THADA: variants seen among roughly 807,000 people sequenced by gnomAD.
THADA encodes the protein THADA armadillo repeat containing.
In THADA, 213 loss-of-function variants were observed where a neutral mutation model predicts 219.8. The observed-to-expected ratio is 0.97, with a 90% CI of 0.87 to 1.09. The LOEUF (loss-of-function observed/expected upper bound fraction) is 1.09, where lower values mean the gene tolerates loss of function less well. Among genes scored for constraint, THADA ranks in the 50% least tolerant of loss-of-function variants. The pLI, the probability that THADA is intolerant of heterozygous loss-of-function variation, is 0.00. For missense variants in THADA, 2,956 were observed against 2,311.3 expected, an observed-to-expected ratio of 1.28 and a Z score of -5.72; for synonymous variants, 1,018 against 828.9, an observed-to-expected ratio of 1.23 and a Z score of -3.92.
At chr2:43,258,061 A>G (rs1008481559) in intron 36 of THADA, among the ~76,000 whole-genome samples, 2 of 152,102 alleles carry the variant, frequency 1.3e-5, no homozygotes, top group African/African-American at 2.4e-5. Flanking sequence ...TGATCCTCAC[A>G]CTTTCAGGTG....
At chr2:43,415,405 C>T (rs1048028568) in intron 28 of THADA, among the ~76,000 whole-genome samples, 1 of 152,154 alleles carries the variant, frequency 6.6e-6, no homozygotes, top group African/African-American at 2.4e-5. Context: ...CCAGTGGCAT[C>T]ATTCCTAGGG....
chr2:43,293,154 T>C lies in THADA; in HGVS notation c.4498A>G (p.Ile1500Val), dbSNP rs748633101. 7 of 1,613,840 alleles carry C rather than the reference T, an allele frequency of 4.3e-6. No individual in the cohort carries two copies. The Admixed American group carries it at 6.7e-5, about 15-fold the overall frequency. The change falls in exon 32 of 38, where the codon ATA becomes GTA. Residue 1500 changes from isoleucine (I) to valine (V), a missense_variant. Ile to Val is a conservative substitution (Grantham distance 29). Transcript: ENST00000405975. ...VRGIISGSEL[I>V]TGFPWAFKVP... is the part of the protein sequence containing the mutation. ...TTGAAGGCCCAAGGGAATCCCGTTA[T>C]CAGCTCTGATCCTGAGATAATCCCT...
chr2:43,590,780 A>C, intron 4 of THADA, 44 bp downstream of exon 4: 1 of 1,599,554 alleles, frequency 6.3e-7, no homozygotes, highest in South Asian at 1.1e-5. Context: ...TTTTGGTCAA[A>C]TTCAACATTT....
chr2:43,252,057 C>A (rs1468499114), intron 36 of THADA, among the ~76,000 whole-genome samples: 1 of 152,166 alleles, frequency 6.6e-6, no homozygotes, highest in African/African-American at 2.4e-5. Flanking sequence ...CTGCCATTCC[C>A]CACAATCTCT....
intron 26 of THADA, among the ~76,000 whole-genome samples, chr2:43,469,851 C>T (rs191810324): frequency 5.9e-4 from 90 of 152,256 alleles, no homozygotes; most frequent in Admixed American, 1.4e-3. Flanking sequence ...TGACTTTAGA[C>T]TGTAGGCAAC....
At chr2:43,434,559 C>T (rs996804161) in intron 26 of THADA, among the ~76,000 whole-genome samples, 6 of 152,152 alleles carry the variant, frequency 3.9e-5, no homozygotes, top group African/African-American at 7.2e-5. Flanking sequence ...AACACACAAG[C>T]GGCTGGATGG....
Position 43,291,729 on chromosome 2 carries a change from T to G in THADA, c.4977A>C (p.Lys1659Asn). 1.3e-6 allele frequency: 2 copies of G among 1,557,504 alleles called. No homozygotes were observed. The highest frequency in any genetic ancestry group is 1.7e-6 in the Non-Finnish European group (2 of 1,149,164). The change falls in exon 34 of 38, where the codon AAA (lysine) becomes AAC (asparagine). Residue 1659 changes from lysine (K) to asparagine (N), a missense_variant. Coordinates refer to ENST00000405975, the MANE Select transcript of THADA (RefSeq NM_022065.5). ...IQSVALRLAS[K>N]VISHHMQTCV... Reference sequence around the variant, plus strand: ...ATGTCTGCATGTGGTGGGAAATGACTTTGGAAGCAAGTCTCAGAGCTACAC... The same window carrying G: ...ATGTCTGCATGTGGTGGGAAATGACGTTGGAAGCAAGTCTCAGAGCTACAC...
At chr2:43,459,879 G>A (rs558955240) in intron 26 of THADA, among the ~76,000 whole-genome samples, 1 of 152,258 alleles carries the variant, frequency 6.6e-6, no homozygotes, top group Non-Finnish European at 1.5e-5. Context: ...AAACAAGTTT[G>A]CAAAAGTAGA....
chr2:43,440,588 A>C lies in THADA; in HGVS notation c.3837-10286T>G, dbSNP rs149305999. On this transcript the variant is annotated intron_variant, in intron 26 of 37. Transcript: ENST00000405975. Reference sequence around the variant, plus strand: ...TGATTCTGTGAAGAGAAGTCACTTAAAGGTAAATCTTTGAGTTTAGTATTG... The same window carrying C: ...TGATTCTGTGAAGAGAAGTCACTTACAGGTAAATCTTTGAGTTTAGTATTG... Among the ~76,000 whole-genome samples the C allele has an allele frequency of 6.7e-3, 1,019 of 152,288 alleles. 4 individuals are homozygous for C. The highest frequency in any genetic ancestry group is 0.012 in the South Asian group (57 of 4,824).
At position 43,232,835 on chromosome 2, in the gene THADA, G is replaced by C; in HGVS notation, c.5344C>G (p.Leu1782Val). 1 of 1,612,420 alleles carries C rather than the reference G, an allele frequency of 6.2e-7. No homozygotes were observed. Among genetic ancestry groups the C allele is most frequent in the Non-Finnish European group, 8.5e-7 (1 of 1,179,354 alleles). The change falls in exon 37 of 38, where the codon CTG becomes GTG. Residue 1782 changes from leucine to valine, a missense_variant. By Grantham distance (32) the Leu-to-Val change is conservative. Coordinates refer to ENST00000405975, the MANE Select transcript of THADA (RefSeq NM_022065.5). ...TGGAGCAGATCACACAGGACGGCCA[G>C]GGCCAGGGCCAGAGCGATGGAGGCA... Reference protein sequence around the residue: ...VDASIALALALAVLCDLLQQW... With the variant: ...VDASIALALAVAVLCDLLQQW...
At chr2:43,367,943 CCTGTCT>C (rs540098557) in intron 29 of THADA, among the ~76,000 whole-genome samples, 37 of 152,032 alleles carry the variant, frequency 2.4e-4, no homozygotes, top group Non-Finnish European at 4.3e-4. Context: ...ATGGTGAAAC[CCTGTCT>C]CTACTAAAAA....
At chr2:43,370,950 C>T (rs1670729938) in intron 29 of THADA, among the ~76,000 whole-genome samples, 2 of 152,178 alleles carry the variant, frequency 1.3e-5, no homozygotes, top group African/African-American at 4.8e-5. Flanking sequence ...TAATTGCCAG[C>T]ACTCAGGCCA....
At chr2:43,472,406 A>C (rs953493493) in intron 26 of THADA, among the ~76,000 whole-genome samples, 4 of 152,238 alleles carry the variant, frequency 2.6e-5, no homozygotes, top group Non-Finnish European at 4.4e-5. Flanking sequence ...GCAACAATTA[A>C]AAATTGAAAC....
At chr2:43,461,234 C>A (rs976240634) in intron 26 of THADA, among the ~76,000 whole-genome samples, 3 of 152,142 alleles carry the variant, frequency 2.0e-5, no homozygotes, top group Non-Finnish European at 4.4e-5. Context: ...ACACTGCCCA[C>A]ACAAAATATT....
At chr2:43,505,593 C>A (rs1326615139) in intron 24 of THADA, 29 bp downstream of exon 24, 1 of 1,475,564 alleles carries the variant, frequency 6.8e-7, no homozygotes, top group Non-Finnish European at 9.3e-7. Flanking sequence ...AAAAACAACA[C>A]TGGAGGGTTT....
At chr2:43,354,046 T>G (rs1668591265) in intron 29 of THADA, among the ~76,000 whole-genome samples, 1 of 152,048 alleles carries the variant, frequency 6.6e-6, no homozygotes, top group African/African-American at 2.4e-5. Context: ...CTCAATCTCC[T>G]GACCTCGTGA....
intron 22 of THADA, among the ~76,000 whole-genome samples, chr2:43,517,252 T>C (rs1195075006): frequency 6.6e-6 from 1 of 152,160 alleles, no homozygotes; most frequent in East Asian, 1.9e-4. Flanking sequence ...ATAAACTGCT[T>C]TCTTATATTA....
chr2:43,380,041 G>A lies in THADA; in HGVS notation c.4227+17930C>T, dbSNP rs1671812342. ...AGTTTTGTGGAGATAGGAATGCTTA[G>A]GGGAACCACAGGAAAGTTTTTAGGG... On this transcript the variant is annotated intron_variant, in intron 29 of 37. Transcript: ENST00000405975. Among the ~76,000 whole-genome samples the A allele has an allele frequency of 2.0e-5, 3 of 152,198 alleles. No individual in the cohort carries two copies. The South Asian group carries it at 6.2e-4, about 31-fold the overall frequency.
chr2:43,479,635 C>A (rs1573859517), intron 26 of THADA, among the ~76,000 whole-genome samples: 1 of 151,896 alleles, frequency 6.6e-6, no homozygotes, highest in African/African-American at 2.4e-5. Context: ...AAGTTAACTT[C>A]TTGCTAGCAA....
Sources: gnomAD v4.1 joint callset for allele counts (sites outside exome capture counted in the v4.1 genomes callset) on GRCh38, gnomAD v4.1.1 for gene constraint, MANE v1.5 for transcripts, NCBI Gene and HGNC (gene_info 2026-07-23, HGNC 2026-07-21) for gene names.